The following CSMD1 variants were observed in gnomAD, a reference collection of about 807,000 sequenced individuals.
CSMD1 encodes the protein CUB and Sushi multiple domains 1.
A neutral mutation model predicts 417.5 loss-of-function variants in CSMD1; 213 were observed. The observed-to-expected ratio is 0.51, with a 90% confidence interval of 0.46 to 0.57. The LOEUF is 0.57. Among genes scored for constraint, CSMD1 ranks in the 20% least tolerant of loss-of-function variants. The pLI is 0.00. For missense variants in CSMD1, 6,923 were observed against 4,529.7 expected (o/e 1.53, Z -15.17); for synonymous variants, 2,862 against 1,736.8 (o/e 1.65, Z -16.11).
At chr8:3,560,030 G>C (rs1037577619) in intron 10 of CSMD1, among the ~76,000 whole-genome samples, 3 of 152,108 alleles carry the variant, frequency 2.0e-5, no homozygotes, top group Admixed American at 2.0e-4. Context: ...TTAGTGTGGA[G>C]GGAATTTGGT....
Position 3,892,715 on chromosome 8 carries a change from GTTTTT to G in CSMD1, c.818+105183_818+105187del, listed in dbSNP as rs35178951. Among the ~76,000 whole-genome samples, 391 of 107,056 alleles carry G rather than the reference GTTTTT, an allele frequency of 3.7e-3. 1 individual carries two copies. The highest frequency in any genetic ancestry group is 5.5e-3 in the African/African-American group (165 of 29,996). The allele number at this position is 107,056 out of a possible 152,430, so 70.2% of individuals were successfully genotyped here. A position where few individuals can be genotyped will look rare whatever the true frequency, so the allele number is the denominator to read the frequency against. ...CACTTATTTGAGTACATTTAGGCAG[GTTTTT>G]TTTTTTTTTTTTTTTGCCACTTCTG... is the stretch of plus-strand genomic sequence containing the variant. On this transcript the variant is annotated intron_variant, in intron 5 of 69. Transcript: ENST00000635120.
intron 1 of CSMD1, among the ~76,000 whole-genome samples, chr8:4,789,905 G>A (rs974276011): frequency 2.0e-5 from 3 of 152,110 alleles, no homozygotes; most frequent in Non-Finnish European, 4.4e-5. Context: ...GAATTTAGTA[G>A]TAGCCATCAG....
At chr8:3,411,744 A>G (rs1303811519) in intron 12 of CSMD1, among the ~76,000 whole-genome samples, 2 of 134,074 alleles carry the variant, frequency 1.5e-5, no homozygotes, top group Non-Finnish European at 3.2e-5. Flanking sequence ...ACGTGTATAT[A>G]TACACGTGTA....
chr8:4,769,613 T>C (rs1341092058), intron 1 of CSMD1, among the ~76,000 whole-genome samples: 1 of 152,222 alleles, frequency 6.6e-6, no homozygotes, highest in Non-Finnish European at 1.5e-5. Context: ...TATTCTAAGA[T>C]AATTTCTGAT....
chr8:4,825,644 G>C (rs1456316849), intron 1 of CSMD1, among the ~76,000 whole-genome samples: 2 of 151,884 alleles, frequency 1.3e-5, no homozygotes, highest in Non-Finnish European at 2.9e-5. Context: ...AAACTAAAAA[G>C]CTTCTGCACA....
intron 7 of CSMD1, among the ~76,000 whole-genome samples, chr8:3,641,025 T>TG (rs1491159418): frequency 1.6e-4 from 13 of 81,262 alleles, no homozygotes; most frequent in African/African-American, 1.2e-3. Context: ...CCTTTTTTCC[T>TG]TTTTTTTTTT....
intron 1 of CSMD1, among the ~76,000 whole-genome samples, chr8:4,988,352 T>G (rs1811288185): frequency 6.6e-6 from 1 of 152,246 alleles, no homozygotes; most frequent in Non-Finnish European, 1.5e-5. Flanking sequence ...CTTTCCCTTT[T>G]ATAACTTTTA....
intron 2 of CSMD1, among the ~76,000 whole-genome samples, chr8:4,477,986 A>C (rs1277799825): frequency 6.6e-6 from 1 of 152,218 alleles, no homozygotes; most frequent in Non-Finnish European, 1.5e-5. Context: ...ATCCATGCAG[A>C]AAACTGTTAA....
intron 12 of CSMD1, among the ~76,000 whole-genome samples, chr8:3,435,726 C>A (rs142657578): frequency 1.3e-5 from 2 of 152,192 alleles, no homozygotes; most frequent in Admixed American, 6.5e-5. Context: ...CAACACCCTA[C>A]ACGTCACTCA....
At chr8:4,449,180 G>C (rs1798986440) in intron 2 of CSMD1, among the ~76,000 whole-genome samples, 1 of 152,188 alleles carries the variant, frequency 6.6e-6, no homozygotes, top group Non-Finnish European at 1.5e-5. Flanking sequence ...TCAAAAGCAA[G>C]TACATTCTTC....
At chr8:4,764,877 A>AAAACAAAACAAAAC (rs1812343167) in intron 1 of CSMD1, among the ~76,000 whole-genome samples, 13 of 41,990 alleles carry the variant, frequency 3.1e-4, no homozygotes, top group African/African-American at 1.5e-3. Flanking sequence ...CATCTCAAAA[A>AAAACAAAACAAAAC]AAAAAAAAAA....
At chr8:3,804,073 T>C (rs1433372932) in intron 5 of CSMD1, among the ~76,000 whole-genome samples, 2 of 152,042 alleles carry the variant, frequency 1.3e-5, no homozygotes, top group African/African-American at 4.8e-5. Flanking sequence ...ATTACAGACG[T>C]GCACCACCAC....
intron 1 of CSMD1, among the ~76,000 whole-genome samples, chr8:4,909,800 G>C (rs937135442): frequency 1.3e-5 from 2 of 152,074 alleles, no homozygotes; most frequent in Non-Finnish European, 2.9e-5. Flanking sequence ...TGACTCTGTG[G>C]ACCCACCTGT....
intron 11 of CSMD1, among the ~76,000 whole-genome samples, chr8:3,487,801 A>G (rs1465808804): frequency 6.6e-6 from 1 of 152,166 alleles, no homozygotes; most frequent in Non-Finnish European, 1.5e-5. Flanking sequence ...ATCCCATGGA[A>G]TATTTTGTGA....
At chr8:3,982,783 C>A (rs1204284142) in intron 5 of CSMD1, among the ~76,000 whole-genome samples, 1 of 152,080 alleles carries the variant, frequency 6.6e-6, no homozygotes, top group African/African-American at 2.4e-5. Context: ...AGGGCCAGAA[C>A]GAGGGCAAGA....
At chr8:3,219,530 T>A in intron 28 of CSMD1, 88 bp from the exon 29 acceptor site, 1 of 971,268 alleles carries the variant, frequency 1.0e-6, no homozygotes, top group East Asian at 3.0e-5. Flanking sequence ...AAAGTGATTT[T>A]ATTTGCTTTT....
intron 3 of CSMD1, among the ~76,000 whole-genome samples, chr8:4,336,303 A>G (rs566833159): frequency 5.3e-5 from 8 of 152,142 alleles, no homozygotes; most frequent in Non-Finnish European, 1.2e-4. Context: ...TTTTAATGCC[A>G]CGTAGCCTCT....
chr8:4,848,577 C>T (rs75281017), intron 1 of CSMD1, among the ~76,000 whole-genome samples: 3,820 of 151,048 alleles, frequency 0.025, 155 homozygotes, highest in African/African-American at 0.088. Context: ...CTCACTCTGT[C>T]ACCCAGGCCT....
intron 6 of CSMD1, among the ~76,000 whole-genome samples, chr8:3,732,018 A>G (rs1378482541): frequency 6.7e-6 from 1 of 150,374 alleles, no homozygotes; most frequent in Non-Finnish European, 1.5e-5. Context: ...GAAGAGCAGA[A>G]TGCATGCTCT....
Sources: allele counts gnomAD v4.1 joint callset (sites outside exome capture counted in the v4.1 genomes callset), GRCh38; gene constraint gnomAD v4.1.1; transcripts MANE v1.5; gene names NCBI Gene and HGNC (gene_info 2026-07-23, HGNC 2026-07-21).